The following GALNT13 variants were observed in gnomAD, a reference collection of about 807,000 sequenced individuals.
The protein encoded by GALNT13 is UDP-GalNAc:polypeptide N-acetylgalactosaminyltransferase 13.
Under a neutral mutation model 64.2 loss-of-function variants are expected in GALNT13, and 28 were observed. The ratio of observed to expected loss-of-function variants is 0.44; its 90% confidence interval spans 0.32 to 0.60. The LOEUF is 0.60. GALNT13 is among the 20% of genes least tolerant of loss of function. The pLI is 0.05. For missense variants in GALNT13, 577 were observed against 669.8 expected, an observed-to-expected ratio of 0.86 and a Z score of 1.53; for synonymous variants, 214 against 224.6, an observed-to-expected ratio of 0.95 and a Z score of 0.42.
At chr2:153,145,992 C>T in the GALNT13 span, among the ~76,000 whole-genome samples, 1 of 151,708 alleles carries the variant, frequency 6.6e-6, no homozygotes, top group African/African-American at 2.4e-5. Context: ...AGCTTCATGT[C>T]TTGGGAAACT....
the GALNT13 span, among the ~76,000 whole-genome samples, chr2:153,373,340 G>A: frequency 1.3e-5 from 2 of 152,112 alleles, no homozygotes; most frequent in Admixed American, 6.6e-5. Context: ...TAAAAAATAT[G>A]TATAAATTTC....
chr2:153,600,949 A>G, the GALNT13 span, among the ~76,000 whole-genome samples: 1 of 151,972 alleles, frequency 6.6e-6, no homozygotes, highest in Non-Finnish European at 1.5e-5. Flanking sequence ...CAAAATATAC[A>G]GAGAGGCACA....
At chr2:153,180,725 T>C in the GALNT13 span, among the ~76,000 whole-genome samples, 2 of 152,086 alleles carry the variant, frequency 1.3e-5, no homozygotes, top group Non-Finnish European at 2.9e-5. Context: ...AACCTTTCTG[T>C]GTCTTCATGA....
the GALNT13 span, among the ~76,000 whole-genome samples, chr2:153,813,273 T>G: frequency 6.6e-6 from 1 of 152,162 alleles, no homozygotes; most frequent in Non-Finnish European, 1.5e-5. Flanking sequence ...TGTTTAGGAT[T>G]CCCTGGGAAT....
chr2:153,725,606 T>G, the GALNT13 span, among the ~76,000 whole-genome samples: 6 of 152,000 alleles, frequency 3.9e-5, no homozygotes, highest in South Asian at 2.1e-4. Context: ...GAGAAAATTT[T>G]AAGAAGATTT....
chr2:153,360,812 G>C, the GALNT13 span, among the ~76,000 whole-genome samples: 2 of 152,122 alleles, frequency 1.3e-5, no homozygotes, highest in Admixed American at 6.5e-5. Flanking sequence ...GAGGAATCTG[G>C]GCAGCCCAGA....
chr2:153,797,223 G>T, the GALNT13 span, among the ~76,000 whole-genome samples: 1 of 152,182 alleles, frequency 6.6e-6, no homozygotes, highest in Non-Finnish European at 1.5e-5. Flanking sequence ...TTGAAATTCA[G>T]TAAAAGCATC....
chr2:153,333,287 T>C, the GALNT13 span, among the ~76,000 whole-genome samples: 3 of 152,200 alleles, frequency 2.0e-5, no homozygotes, highest in Non-Finnish European at 4.4e-5. Flanking sequence ...GAAAATAAAG[T>C]GCTCTCCCTT....
the GALNT13 span, among the ~76,000 whole-genome samples, chr2:153,808,675 G>A: frequency 1.2e-4 from 19 of 152,212 alleles, no homozygotes; most frequent in South Asian, 8.3e-4. Flanking sequence ...GTTCACATTA[G>A]CTTCTTCTCT....
the GALNT13 span, among the ~76,000 whole-genome samples, chr2:153,738,929 C>T: frequency 4.6e-5 from 7 of 151,790 alleles, no homozygotes; most frequent in East Asian, 1.9e-4. Context: ...TTACAATGAA[C>T]ACCCCAAAAC....
chr2:153,582,133 G>C, the GALNT13 span, among the ~76,000 whole-genome samples: 3 of 152,062 alleles, frequency 2.0e-5, no homozygotes, highest in East Asian at 5.8e-4. Flanking sequence ...GTTGTTTCTG[G>C]ATATTTACCA....
the GALNT13 span, among the ~76,000 whole-genome samples, chr2:153,837,899 G>A: frequency 6.6e-6 from 1 of 151,940 alleles, no homozygotes; most frequent in African/African-American, 2.4e-5. Context: ...TAATGTACAA[G>A]TGTTTCCTTT....
chr2:154,146,685 C>T (rs1226181956), intron 4 of GALNT13, among the ~76,000 whole-genome samples: 21 of 152,010 alleles, frequency 1.4e-4, no homozygotes, highest in Admixed American at 1.4e-3. Flanking sequence ...ACTCTCATAC[C>T]AGGAGGAGAA....
intron 3 of GALNT13, among the ~76,000 whole-genome samples, chr2:154,053,217 G>T (rs1422458388): frequency 6.6e-6 from 1 of 152,146 alleles, no homozygotes; most frequent in Non-Finnish European, 1.5e-5. Context: ...AGAATCTTGA[G>T]TTCCAAAACT....
At chr2:153,454,960 G>T in the GALNT13 span, among the ~76,000 whole-genome samples, 1 of 152,188 alleles carries the variant, frequency 6.6e-6, no homozygotes, top group Non-Finnish European at 1.5e-5. Flanking sequence ...GCAGAAGGAG[G>T]TGTGTAGTAT....
At chr2:153,641,722 G>A in the GALNT13 span, among the ~76,000 whole-genome samples, 1 of 151,814 alleles carries the variant, frequency 6.6e-6, no homozygotes, top group Non-Finnish European at 1.5e-5. Context: ...TCACATTTCT[G>A]CTTTTCTGAA....
chr2:153,257,672 A>G, the GALNT13 span, among the ~76,000 whole-genome samples: 2 of 152,172 alleles, frequency 1.3e-5, no homozygotes, highest in Non-Finnish European at 2.9e-5. Context: ...AATTGAGTAA[A>G]GTATACTGCT....
chr2:153,697,741 G>C, the GALNT13 span, among the ~76,000 whole-genome samples: 1 of 152,190 alleles, frequency 6.6e-6, no homozygotes, highest in Non-Finnish European at 1.5e-5. Flanking sequence ...GTCCTAGTAA[G>C]AATGCTGGCT....
Position 154,396,883 on chromosome 2 carries a change from A to T in GALNT13, c.1296+753A>T, listed in dbSNP as rs182112649. On this transcript the variant is annotated intron_variant, in intron 10 of 12. Transcript: ENST00000392825. ...TATCTTGAAATACAAAAATGACTTC[A>T]TTATAACTATACAAACTGTATATAA... Among the ~76,000 whole-genome samples the T allele has an allele frequency of 1.6e-3, 239 of 151,400 alleles. 1 individual carries two copies. The highest frequency in any genetic ancestry group is 4.8e-3 in the East Asian group (25 of 5,164).
Sources: gnomAD v4.1 joint callset for allele counts (sites outside exome capture counted in the v4.1 genomes callset) on GRCh38, gnomAD v4.1.1 for gene constraint, MANE v1.5 for transcripts, NCBI Gene and HGNC (gene_info 2026-07-23, HGNC 2026-07-21) for gene names.